Variants in CYP4F2 observed in about 807,000 individuals in gnomAD.
CYP4F2 encodes cytochrome P450 4F2.
A neutral mutation model predicts 58.9 loss-of-function variants in CYP4F2; 58 were observed. That is an observed-to-expected ratio of 0.98 (90% CI 0.80 to 1.23). The LOEUF is 1.23. CYP4F2 is among the 50% of genes most tolerant of loss of function. CYP4F2 has a pLI of 0.00. For missense variants in CYP4F2, 616 were observed against 685.6 expected, an observed-to-expected ratio of 0.90 and a Z score of 1.13; for synonymous variants, 287 against 261.1, an observed-to-expected ratio of 1.10 and a Z score of -0.95.
intron 3 of CYP4F2, among the ~76,000 whole-genome samples, chr19:15,894,253 CA>C (rs1417222885): frequency 6.6e-6 from 1 of 152,214 alleles, no homozygotes; most frequent in African/African-American, 2.4e-5. Context: ...CCTTAACCAA[CA>C]AACTTCTTTG....
intron 7 of CYP4F2, among the ~76,000 whole-genome samples, chr19:15,887,088 G>C (rs140283651): frequency 8.5e-5 from 13 of 152,264 alleles, no homozygotes; most frequent in African/African-American, 3.1e-4. Context: ...CATAGACAAA[G>C]ACATAGACAC....
rs369542791 is a variant in CYP4F2 at position 15,889,733 on chromosome 19, T to C, written c.648-40A>G. 29 of 1,604,216 alleles carry C rather than the reference T, an allele frequency of 1.8e-5. No individual in the cohort carries two copies. The African/African-American group carries it at 2.8e-4, about 16-fold the overall frequency. On this transcript the variant is annotated intron_variant, in intron 6 of 12. Coordinates refer to ENST00000221700, the MANE Select transcript of CYP4F2 (RefSeq NM_001082.5). ...CAGAAAGGGAGGCAACAATTTAATA[T>C]ACCTGAAGCCCCAGGATCACCTCCC...
At chr19:15,887,850 A>T (rs2089390088) in intron 7 of CYP4F2, among the ~76,000 whole-genome samples, 2 of 152,118 alleles carry the variant, frequency 1.3e-5, no homozygotes, top group Non-Finnish European at 2.9e-5. Context: ...ATAGACATAG[A>T]CACAGACACA....
Position 15,889,566 on chromosome 19 carries a change from C to G in CYP4F2, c.775G>C (p.Ala259Pro). The G allele has an allele frequency of 6.2e-7, 1 of 1,614,134 alleles. No individual in the cohort carries two copies. Among genetic ancestry groups the G allele is most frequent in the Non-Finnish European group, 8.5e-7 (1 of 1,180,034 alleles). The change falls in exon 7 of 13, where the codon GCC becomes CCC. Residue 259 changes from alanine to proline, a missense_variant. Ala to Pro is a conservative substitution (Grantham distance 27). Coordinates refer to ENST00000221700, the MANE Select transcript of CYP4F2 (RefSeq NM_001082.5). ...LTPDGQRFRR[A>P]CRLVHDFTDA... ...GTGAAGTCGTGCACCAGGCGGCAGG[C>G]CCTGCGGAAACGCTGCCCATCAGGG...
At chr19:15,889,369 A>T (rs1379779336) in intron 7 of CYP4F2, 54 bp downstream of exon 7, 1 of 1,611,356 alleles carries the variant, frequency 6.2e-7, no homozygotes, top group African/African-American at 1.3e-5. Flanking sequence ...TTCATCTGAC[A>T]TTTCACATGA....
chr19:15,893,057 G>T (rs1362951500), intron 3 of CYP4F2, among the ~76,000 whole-genome samples: 7 of 152,142 alleles, frequency 4.6e-5, no homozygotes, highest in Non-Finnish European at 1.5e-5. Flanking sequence ...TTCCTAACAT[G>T]AGATGGTGTG....
intron 12 of CYP4F2, among the ~76,000 whole-genome samples, 172 bp from the exon 13 acceptor site, chr19:15,879,108 C>T (rs1048402036): frequency 6.6e-6 from 1 of 152,108 alleles, no homozygotes; most frequent in African/African-American, 2.4e-5. Flanking sequence ...CAAGCCTAGC[C>T]GAGCTCCAAC....
Position 15,884,711 on chromosome 19 carries a change from G to C in CYP4F2, c.1115+1213C>G, listed in dbSNP as rs188978170. ...CCTCCTCACTGGACTGCTGTGCTGG[G>C]CAAAGGTGTGGACGAGAGGACACTG... On this transcript the variant is annotated intron_variant, in intron 9 of 12. Transcript: ENST00000221700. Among the ~76,000 whole-genome samples the C allele has an allele frequency of 4.0e-4, 61 of 152,292 alleles. 1 individual carries two copies. In the East Asian group the frequency reaches 0.011, roughly 28 times the overall value.
chr19:15,879,818 A>G lies in CYP4F2; in HGVS notation c.1195T>C (p.Ser399Pro), dbSNP rs1599346903. 1 of 1,614,040 alleles carries G rather than the reference A, an allele frequency of 6.2e-7. No homozygotes were observed. The highest frequency in any genetic ancestry group is 8.5e-7 in the Non-Finnish European group (1 of 1,180,004). ...LRLHPPVPVI[S>P]RHVTQDIVLP... ...ACAATGTCCTGGGTGACATGGCGGGAGATGACCGGGACTGGGGGATGCAGC... is the reference window on the plus strand; with the variant it reads ...ACAATGTCCTGGGTGACATGGCGGGGGATGACCGGGACTGGGGGATGCAGC... Residue 399 changes from serine to proline, a missense_variant, in exon 10 of 13, where the codon TCC becomes CCC. Transcript: ENST00000221700.
In CYP4F2 at chr19:15,892,332, T is replaced by C. The variant is rs774658023; in HGVS notation, c.502A>G (p.Asn168Asp). 2 of 1,614,192 alleles carry C rather than the reference T, an allele frequency of 1.2e-6. No individual in the cohort carries two copies. The highest frequency in any genetic ancestry group is 1.7e-5 in the Admixed American group (1 of 60,036). ...ACGTGCATGATGTTCACACTCTCAT[T>C]GAAAATCTTCATATAGGGCTTCAGG... The part of the protein sequence containing the change: ...NILKPYMKIF[N>D]ESVNIMHAKW... Residue 168 changes from asparagine to aspartate, a missense_variant, in exon 5 of 13, where the codon AAT becomes GAT. Physicochemically the swap from Asn to Asp is conservative, Grantham distance 23. Coordinates refer to ENST00000221700, the MANE Select transcript of CYP4F2 (RefSeq NM_001082.5).
intron 6 of CYP4F2, among the ~76,000 whole-genome samples, 168 bp downstream of exon 6, chr19:15,890,144 A>G (rs781195572): frequency 6.6e-6 from 1 of 152,038 alleles, no homozygotes; most frequent in Non-Finnish European, 1.5e-5. Flanking sequence ...AACCCCTTCA[A>G]TGGCTCCCTG....
rs572831804 is a variant in CYP4F2 at position 15,889,828 on chromosome 19, G to A, written c.648-135C>T. 2.4e-5 allele frequency: 32 copies of A among 1,314,390 alleles called. No homozygotes were observed. In the African/African-American group the frequency reaches 4.6e-4, roughly 19 times the overall value. 81.4% of individuals were successfully genotyped at this position (1,314,390 alleles called of 1,614,324 possible). A position where few individuals can be genotyped will look rare whatever the true frequency, so the allele number is the denominator to read the frequency against. On this transcript the variant is annotated intron_variant, in intron 6 of 12. Transcript: ENST00000221700. ...GGAACAGATGACCCCACAGATACAG[G>A]GTGGGGATCAGCATGAGATTGATTC...
chr19:15,891,968 T>C (rs944551285), intron 5 of CYP4F2, among the ~76,000 whole-genome samples: 7 of 152,200 alleles, frequency 4.6e-5, no homozygotes, highest in Non-Finnish European at 1.0e-4. Context: ...AAACACTTAT[T>C]GGTTTAAACC....
chr19:15,894,375 C>T (rs2016503), intron 3 of CYP4F2, among the ~76,000 whole-genome samples: 136,470 of 152,182 alleles, frequency 0.9, 61,412 homozygotes, highest in East Asian at 0.99. Flanking sequence ...GAGAAGTAAA[C>T]CATGGGCCAT....
chr19:15,879,923 C>T, intron 9 of CYP4F2, 26 bp from the exon 10 acceptor site: 2 of 1,612,462 alleles, frequency 1.2e-6, no homozygotes, highest in Non-Finnish European at 1.7e-6. Flanking sequence ...AGCCCCAATC[C>T]TTATCAAGGG....
chr19:15,889,539 C>T lies in CYP4F2; in HGVS notation c.802G>A (p.Asp268Asn). 1 of 1,614,206 alleles carries T rather than the reference C, an allele frequency of 6.2e-7. No homozygotes were observed. Among genetic ancestry groups the T allele is most frequent in the South Asian group, 1.1e-5 (1 of 91,084 alleles). ...CGGCGCCGCTCCTGGATGACGGCAT[C>T]TGTGAAGTCGTGCACCAGGCGGCAG... ...RACRLVHDFT[D>N]AVIQERRRTL... is the part of the protein sequence containing the mutation. The change falls in exon 7 of 13, where the codon GAT (aspartate) becomes AAT (asparagine). Residue 268 changes from aspartate (D) to asparagine (N), a missense_variant. Coordinates refer to ENST00000221700, the MANE Select transcript of CYP4F2 (RefSeq NM_001082.5).
In CYP4F2 at chr19:15,878,679, G is replaced by A; in HGVS notation, c.*92C>T. Reference sequence around the variant, plus strand: ...AGTAGATATCTAGGATGGAATACAGGACTGTGGAACAGGGTCTTAGGGTAA... The same window carrying A: ...AGTAGATATCTAGGATGGAATACAGAACTGTGGAACAGGGTCTTAGGGTAA... On this transcript the variant is annotated 3_prime_UTR_variant, in exon 13 of 13. Coordinates refer to ENST00000221700, the MANE Select transcript of CYP4F2 (RefSeq NM_001082.5). 6.6e-7 allele frequency: 1 copy of A among 1,521,696 alleles called. No homozygotes were observed. The allele number at this position is 1,521,696 out of a possible 1,614,324, so 94.3% of individuals were successfully genotyped here.
intron 3 of CYP4F2, among the ~76,000 whole-genome samples, chr19:15,893,198 A>G (rs2089427177): frequency 6.6e-6 from 1 of 152,198 alleles, no homozygotes; most frequent in African/African-American, 2.4e-5. Context: ...ACTGTTCCTC[A>G]GGCATGACCC....
chr19:15,891,314 C>G (rs1358025406), intron 5 of CYP4F2, among the ~76,000 whole-genome samples: 1 of 152,038 alleles, frequency 6.6e-6, no homozygotes, highest in Non-Finnish European at 1.5e-5. Context: ...ATTTGGGAAG[C>G]TTGGAGGGAA....
Sources: allele counts gnomAD v4.1 joint callset (sites outside exome capture counted in the v4.1 genomes callset), GRCh38; gene constraint gnomAD v4.1.1; transcripts MANE v1.5; gene names NCBI Gene and HGNC (gene_info 2026-07-23, HGNC 2026-07-21).